The following DDX1 variants were observed in gnomAD, a reference collection of about 807,000 sequenced individuals.
DDX1 encodes DEAD-box helicase 1.
Under a neutral mutation model 108.7 loss-of-function variants are expected in DDX1, and 28 were observed. The ratio of observed to expected loss-of-function variants is 0.26; its 90% CI spans 0.19 to 0.35. DDX1 has a LOEUF of 0.35. Ranked by LOEUF, DDX1 falls within the 10% of genes least tolerant of loss-of-function variation. DDX1 has a pLI of 1.00. For synonymous variants in DDX1, 295 were observed against 288.9 expected (o/e 1.02, Z -0.21); for missense variants, 710 against 884.5 (o/e 0.80, Z 2.50).
intron 13 of DDX1, among the ~76,000 whole-genome samples, chr2:15,609,095 A>G (rs1042278131): frequency 2.6e-5 from 4 of 152,330 alleles, no homozygotes; most frequent in Non-Finnish European, 5.9e-5. Context: ...CAAAACAAAT[A>G]CAATAAATGC....
chr2:15,609,565 CA>C (rs1386730514), intron 13 of DDX1, among the ~76,000 whole-genome samples: 1 of 152,182 alleles, frequency 6.6e-6, no homozygotes, highest in Non-Finnish European at 1.5e-5. Flanking sequence ...TTTGAATATG[CA>C]AAGCTTTTAT....
chr2:15,630,725 G>C (rs1297866934), intron 25 of DDX1, 51 bp from the exon 26 acceptor site: 1 of 1,577,656 alleles, frequency 6.3e-7, no homozygotes, highest in African/African-American at 1.3e-5. Flanking sequence ...TTGCTGACAA[G>C]TTATTTCAAG....
intron 13 of DDX1, among the ~76,000 whole-genome samples, chr2:15,612,684 G>A (rs966314307): frequency 1.5e-4 from 23 of 152,130 alleles, no homozygotes; most frequent in African/African-American, 4.8e-4. Flanking sequence ...GTAGCGAGCC[G>A]AGATCACGCC....
intron 13 of DDX1, among the ~76,000 whole-genome samples, chr2:15,610,489 A>G (rs1176906218): frequency 6.6e-6 from 1 of 152,228 alleles, no homozygotes; most frequent in Non-Finnish European, 1.5e-5. Flanking sequence ...GTGCATATCC[A>G]TGTGTCCCAG....
chr2:15,630,655 C>A (rs1040793434), intron 25 of DDX1, 121 bp from the exon 26 acceptor site: 10 of 952,716 alleles, frequency 1.0e-5, no homozygotes, highest in Non-Finnish European at 1.4e-5. Context: ...AGATAACTTG[C>A]CCAGTAGTAC....
intron 10 of DDX1, 142 bp downstream of exon 10, chr2:15,604,651 CTA>C (rs1301602678): frequency 3.2e-6 from 2 of 630,744 alleles, no homozygotes; most frequent in African/African-American, 3.6e-5. Context: ...TGAGCATTGA[CTA>C]TGTGTAAGGT....
At chr2:15,607,945 A>G (rs188419837) in intron 13 of DDX1, among the ~76,000 whole-genome samples, 2 of 152,188 alleles carry the variant, frequency 1.3e-5, no homozygotes, top group Non-Finnish European at 1.5e-5. Flanking sequence ...TATTTCTAGC[A>G]TGTTAGTAAA....
intron 13 of DDX1, among the ~76,000 whole-genome samples, chr2:15,612,223 G>A (rs1477505599): frequency 2.6e-5 from 4 of 151,654 alleles, no homozygotes; most frequent in Admixed American, 2.0e-4. Context: ...GGTGGCTGCC[G>A]GGCGGTGACG....
chr2:15,628,598 G>C lies in DDX1; in HGVS notation c.1760-40G>C, dbSNP rs1018798196. 10 of 1,596,248 alleles carry C rather than the reference G, an allele frequency of 6.3e-6. No individual in the cohort carries two copies. The African/African-American group carries it at 1.3e-4, about 22-fold the overall frequency. ...CCTTCTAATATGTTTGAAAAATTTA[G>C]AAACTACTGGCAATTGTTAATAATG... is the stretch of plus-strand genomic sequence containing the variant. On this transcript the variant is annotated intron_variant, in intron 21 of 25. Coordinates refer to ENST00000233084, the MANE Select transcript of DDX1 (RefSeq NM_004939.3).
chr2:15,603,145 A>G (rs1198786771), intron 7 of DDX1, 47 bp from the exon 8 acceptor site: 3 of 1,275,026 alleles, frequency 2.4e-6, no homozygotes, highest in Admixed American at 1.9e-5. Flanking sequence ...TGGTAAATGA[A>G]TCGTGTGTGT....
chr2:15,618,528 A>G (rs1048961247), intron 16 of DDX1, among the ~76,000 whole-genome samples: 4 of 152,210 alleles, frequency 2.6e-5, no homozygotes, highest in African/African-American at 9.6e-5. Flanking sequence ...GGGTCTGGCC[A>G]TGGCACACAG....
intron 13 of DDX1, among the ~76,000 whole-genome samples, chr2:15,611,198 G>C (rs551546452): frequency 0.011 from 1,614 of 149,716 alleles, 32 homozygotes; most frequent in African/African-American, 0.038. Context: ...CACAGGGTTG[G>C]GGGTAAGGTC....
At position 15,619,596 on chromosome 2, in the gene DDX1, C is replaced by G. The variant is rs754734279; in HGVS notation, c.1207-612C>G. 3.3e-5 allele frequency among the ~76,000 whole-genome samples: 5 copies of G among 152,310 alleles called. No homozygotes were observed. In the South Asian group the frequency reaches 1.0e-3, roughly 32 times the overall value. On this transcript the variant is annotated intron_variant, in intron 16 of 25. Coordinates refer to ENST00000233084, the MANE Select transcript of DDX1 (RefSeq NM_004939.3). Reference sequence around the variant, plus strand: ...GGTCAAAGGGTTTTTGTTTGGTCCCCTCTCATTAAATTTATTACTATGTAA... The same window carrying G: ...GGTCAAAGGGTTTTTGTTTGGTCCCGTCTCATTAAATTTATTACTATGTAA...
intron 19 of DDX1, among the ~76,000 whole-genome samples, chr2:15,626,185 T>A (rs1170845766): frequency 6.6e-6 from 1 of 152,078 alleles, no homozygotes; most frequent in Non-Finnish European, 1.5e-5. Flanking sequence ...AAAGGATCCC[T>A]CTCCCCTCCA....
intron 15 of DDX1, among the ~76,000 whole-genome samples, 162 bp from the exon 16 acceptor site, chr2:15,618,019 T>C (rs1665928945): frequency 6.6e-6 from 1 of 152,228 alleles, no homozygotes; most frequent in African/African-American, 2.4e-5. Context: ...TAAATTATCT[T>C]TATCCAACAA....
chr2:15,592,494 A>G (rs1391948656), intron 1 of DDX1, among the ~76,000 whole-genome samples: 1 of 152,226 alleles, frequency 6.6e-6, no homozygotes, highest in Non-Finnish European at 1.5e-5. Flanking sequence ...TATCAACATT[A>G]ATGTTCAGTG....
intron 12 of DDX1, 62 bp downstream of exon 12, chr2:15,606,326 T>G (rs1665661806): frequency 1.7e-6 from 2 of 1,202,200 alleles, no homozygotes; most frequent in East Asian, 4.7e-5. Flanking sequence ...AGAACTCCAG[T>G]AAGTAAGGCG....
At chr2:15,595,437 T>G (rs1665482402) in intron 2 of DDX1, 53 bp from the exon 3 acceptor site, 4 of 1,457,966 alleles carry the variant, frequency 2.7e-6, no homozygotes, top group Non-Finnish European at 3.9e-6. Context: ...CTTAATTTGC[T>G]TAGGCGATTT....
At chr2:15,617,974 A>G (rs1439608163) in intron 15 of DDX1, among the ~76,000 whole-genome samples, 1 of 152,176 alleles carries the variant, frequency 6.6e-6, no homozygotes, top group Non-Finnish European at 1.5e-5. Flanking sequence ...TCACTTTTTC[A>G]TATTTTAGTC....
Sources: allele counts gnomAD v4.1 joint callset (sites outside exome capture counted in the v4.1 genomes callset), GRCh38; gene constraint gnomAD v4.1.1; transcripts MANE v1.5; gene names NCBI Gene and HGNC (gene_info 2026-07-23, HGNC 2026-07-21).